The following ADAM19 variants were observed in gnomAD, a reference collection of about 807,000 sequenced individuals.
ADAM19 encodes the protein ADAM metallopeptidase domain 19.
A neutral mutation model predicts 114.7 loss-of-function variants in ADAM19; 65 were observed. The observed-to-expected ratio is 0.57, with a 90% CI of 0.46 to 0.70. The LOEUF is 0.70. ADAM19 is among the 30% of genes least tolerant of loss of function. The pLI, the probability that ADAM19 is intolerant of heterozygous loss-of-function variation, is 0.00. For synonymous variants in ADAM19, 466 were observed against 460.5 expected, an observed-to-expected ratio of 1.01 and a Z score of -0.15; for missense variants, 1,063 against 1,204.7, an observed-to-expected ratio of 0.88 and a Z score of 1.74.
chr5:157,522,765 G>A (rs544431963), intron 5 of ADAM19, among the ~76,000 whole-genome samples: 36 of 152,154 alleles, frequency 2.4e-4, no homozygotes, highest in Admixed American at 2.1e-3. Context: ...CAGCCTGGGC[G>A]ACAGAGCAAG....
chr5:157,564,684 T>G (rs1384715892), intron 2 of ADAM19, among the ~76,000 whole-genome samples: 8 of 152,176 alleles, frequency 5.3e-5, no homozygotes, highest in Non-Finnish European at 1.2e-4. Flanking sequence ...GTGGTGTAAG[T>G]GTATGTATGT....
chr5:157,542,736 C>T (rs1048917823), intron 3 of ADAM19, among the ~76,000 whole-genome samples: 2 of 152,312 alleles, frequency 1.3e-5, no homozygotes, highest in South Asian at 2.1e-4. Flanking sequence ...ACTCGGGAGG[C>T]GGAAGCTGCA....
intron 5 of ADAM19, among the ~76,000 whole-genome samples, chr5:157,527,313 C>T (rs1385464536): frequency 5.3e-5 from 8 of 152,124 alleles, no homozygotes. Flanking sequence ...CGGGTTCACG[C>T]CATTCTCCTG....
intron 5 of ADAM19, among the ~76,000 whole-genome samples, chr5:157,521,097 A>T (rs188845441): frequency 1.3e-5 from 2 of 152,316 alleles, no homozygotes; most frequent in Admixed American, 6.5e-5. Context: ...CACCCCTTGG[A>T]CTGGAGGCAG....
At chr5:157,555,803 G>A (rs1757351642) in intron 3 of ADAM19, among the ~76,000 whole-genome samples, 1 of 152,176 alleles carries the variant, frequency 6.6e-6, no homozygotes, top group Non-Finnish European at 1.5e-5. Flanking sequence ...AAAATCAAGG[G>A]GTCAGCAGGG....
Position 157,480,801 on chromosome 5 carries a change from C to A in ADAM19, c.*148G>T. On this transcript the variant is annotated 3_prime_UTR_variant, in exon 23 of 23. Coordinates refer to ENST00000257527, the MANE Select transcript of ADAM19 (RefSeq NM_033274.5). ...GGAAGCCGAGGAGGCACTGAGTCAA[C>A]AGGGAGATTTTTGGAGATGTGGAGG... The A allele has an allele frequency of 2.7e-6, 4 of 1,481,344 alleles. No individual in the cohort carries two copies. Among genetic ancestry groups the A allele is most frequent in the Non-Finnish European group, 3.6e-6 (4 of 1,121,750 alleles). The allele number at this position is 1,481,344 out of a possible 1,614,324, so 91.8% of individuals were successfully genotyped here.
At chr5:157,523,938 G>A (rs1756381186) in intron 5 of ADAM19, among the ~76,000 whole-genome samples, 1 of 152,192 alleles carries the variant, frequency 6.6e-6, no homozygotes, top group South Asian at 2.1e-4. Context: ...AGGCTCAGAA[G>A]GACCCTGAAG....
intron 3 of ADAM19, 25 bp from the exon 4 acceptor site, chr5:157,538,016 T>C (rs770709967): frequency 6.3e-7 from 1 of 1,590,204 alleles, no homozygotes; most frequent in Non-Finnish European, 8.6e-7. Context: ...AAGAGACATT[T>C]ATATCATAAG....
intron 3 of ADAM19, among the ~76,000 whole-genome samples, chr5:157,557,052 TG>T (rs1289932359): frequency 6.6e-6 from 1 of 152,076 alleles, no homozygotes; most frequent in Non-Finnish European, 1.5e-5. Flanking sequence ...GGCTAATTTT[TG>T]TGGGGGTTTT....
intron 21 of ADAM19, among the ~76,000 whole-genome samples, chr5:157,487,600 G>A (rs1754983362): frequency 6.6e-6 from 1 of 152,228 alleles, no homozygotes. Flanking sequence ...AGAGCCATCA[G>A]AGCACACACA....
At chr5:157,491,108 T>C (rs2113697195) in intron 18 of ADAM19, among the ~76,000 whole-genome samples, 1 of 151,236 alleles carries the variant, frequency 6.6e-6, no homozygotes, top group East Asian at 1.9e-4. Flanking sequence ...ATTTTGGTGC[T>C]TTTTTTTTAA....
Position 157,489,117 on chromosome 5 carries a change from G to A in ADAM19, c.2310C>T (p.Pro770=). 1.2e-6 allele frequency: 2 copies of A among 1,614,082 alleles called. No individual in the cohort carries two copies. Among genetic ancestry groups the A allele is most frequent in the Non-Finnish European group, 1.7e-6 (2 of 1,179,974 alleles). Residue 770 remains proline, a synonymous_variant, in exon 20 of 23, where the codon CCC becomes CCT. Transcript: ENST00000257527. ...HANPTFKLQT[P]QGKRKVINTP... The stretch of plus-strand genomic sequence containing the variant: ...AAGCTCTTACCTTTCGCTTGCCCTG[G>A]GGCGTCTGCAGCTTGAAAGTTGGGT...
At chr5:157,515,048 C>T (rs1285631798) in intron 7 of ADAM19, among the ~76,000 whole-genome samples, 1 of 152,210 alleles carries the variant, frequency 6.6e-6, no homozygotes, top group Non-Finnish European at 1.5e-5. Context: ...TGTACCAGCC[C>T]TGATACAGGG....
chr5:157,561,547 G>T (rs1415660136), intron 3 of ADAM19, among the ~76,000 whole-genome samples: 4 of 152,190 alleles, frequency 2.6e-5, no homozygotes, highest in Non-Finnish European at 5.9e-5. Flanking sequence ...TACAGAGGGA[G>T]AGTGGAAACC....
In ADAM19 at chr5:157,549,683, G is replaced by T. The variant is rs570384779; in HGVS notation, c.252-11692C>A. Reference sequence around the variant, plus strand: ...TAATCTGTTTTGGATTATGCTGTTTGCATGCTGTTTTCTCTCCCACAGAGT... The same window carrying T: ...TAATCTGTTTTGGATTATGCTGTTTTCATGCTGTTTTCTCTCCCACAGAGT... On this transcript the variant is annotated intron_variant, in intron 3 of 22. Coordinates refer to ENST00000257527, the MANE Select transcript of ADAM19 (RefSeq NM_033274.5). Among the ~76,000 whole-genome samples the T allele has an allele frequency of 2.8e-4, 42 of 152,254 alleles. No homozygotes were observed. In the South Asian group the frequency reaches 4.4e-3, roughly 16 times the overall value.
intron 18 of ADAM19, among the ~76,000 whole-genome samples, chr5:157,491,038 T>C (rs1755137168): frequency 6.6e-6 from 1 of 152,206 alleles, no homozygotes; most frequent in Non-Finnish European, 1.5e-5. Context: ...GAGAACGTAT[T>C]TGTACTAACA....
At chr5:157,522,752 C>G (rs1396789992) in intron 5 of ADAM19, among the ~76,000 whole-genome samples, 1 of 152,070 alleles carries the variant, frequency 6.6e-6, no homozygotes, top group African/African-American at 2.4e-5. Flanking sequence ...CACCACTGCA[C>G]TCCAGCCTGG....
rs1446094511 is a variant in ADAM19 at position 157,488,413 on chromosome 5, C to T, written c.2402G>A (p.Gly801Glu). The change falls in exon 21 of 23, where the codon GGG becomes GAG. Residue 801 changes from glycine to glutamate, a missense_variant. This residue lies in a region of ADAM19 where 424 missense variants were observed against 445.5 expected (regional missense o/e 0.95). Transcript: ENST00000257527. ...AGCTGGCAGTGGTGCAGGTGGGGACCCACCACGCAGATAATCTGGAGGGGG... is the reference window on the plus strand; with the variant it reads ...AGCTGGCAGTGGTGCAGGTGGGGACTCACCACGCAGATAATCTGGAGGGGG... ...PRPPPDYLRG[G>E]SPPAPLPAHL... is the part of the protein sequence containing the mutation. 5.6e-6 allele frequency: 9 copies of T among 1,613,682 alleles called. No homozygotes were observed. The Admixed American group carries it at 1.5e-4, about 27-fold the overall frequency.
chr5:157,502,250 C>A (rs940783778), intron 12 of ADAM19, among the ~76,000 whole-genome samples: 25 of 152,326 alleles, frequency 1.6e-4, no homozygotes, highest in Admixed American at 1.6e-3. Context: ...AATGACCGGG[C>A]TCTGCCGTGT....
Sources: gnomAD v4.1 joint callset for allele counts (sites outside exome capture counted in the v4.1 genomes callset) on GRCh38, gnomAD v4.1.1 for gene constraint, gnomAD v4.1.1 regional missense constraint, MANE v1.5 for transcripts, NCBI Gene and HGNC (gene_info 2026-07-23, HGNC 2026-07-21) for gene names.